The following NHERF4 variants were observed in gnomAD, a reference collection of about 807,000 sequenced individuals.
The protein encoded by NHERF4 is NHERF family PDZ scaffold protein 4.
the NHERF4 span, chr11:119,186,832 G>A: frequency 5.7e-6 from 5 of 884,106 alleles, no homozygotes; most frequent in South Asian, 1.9e-5. This position sits in a 1 kb window ranked among gnomAD's most constrained non-coding sequence, Gnocchi z 4.4. Context: ...AGAGGGGTAG[G>A]GAAAGCATCT....
the NHERF4 span, chr11:119,189,490 T>A: frequency 1.2e-6 from 2 of 1,614,132 alleles, no homozygotes; most frequent in South Asian, 2.2e-5. This position sits in a 1 kb window ranked among gnomAD's most constrained non-coding sequence, Gnocchi z 5.8. Flanking sequence ...GGATCTACTG[T>A]AGAGCACCCC....
chr11:119,187,154 A>G, the NHERF4 span: 9 of 869,084 alleles, frequency 1.0e-5, no homozygotes, highest in Middle Eastern at 3.4e-4. Flanking sequence ...AAAAAAAAAA[A>G]AAAAGAAAAA....
chr11:119,187,272 G>A, the NHERF4 span: 1 of 1,594,986 alleles, frequency 6.3e-7, no homozygotes, highest in African/African-American at 1.3e-5. Context: ...CTGTCCAGGT[G>A]GTACGCCGCA....
the NHERF4 span, chr11:119,188,598 G>C: frequency 6.2e-7 from 1 of 1,610,588 alleles, no homozygotes; most frequent in Non-Finnish European, 8.5e-7. Flanking sequence ...GAGTGGGGCA[G>C]GGCTGAGGTC....
the NHERF4 span, chr11:119,186,352 C>CAA: frequency 1.3e-6 from 2 of 1,554,826 alleles, no homozygotes; most frequent in South Asian, 2.2e-5. This position sits in a 1 kb window ranked among gnomAD's most constrained non-coding sequence, Gnocchi z 4.4. Context: ...CCCCACCACC[C>CAA]AACACCCAAC....
chr11:119,189,631 T>C, the NHERF4 span: 1 of 955,276 alleles, frequency 1.0e-6, no homozygotes, highest in Non-Finnish European at 1.7e-6. This position sits in a 1 kb window ranked among gnomAD's most constrained non-coding sequence, Gnocchi z 5.8. Context: ...GCCCAGGTGC[T>C]CCCTCCCTTC....
At chr11:119,187,506 C>A in the NHERF4 span, 4 of 1,612,922 alleles carry the variant, frequency 2.5e-6, no homozygotes, top group Non-Finnish European at 2.5e-6. Flanking sequence ...GGGATCTCAG[C>A]CCCTGTTCAG....
the NHERF4 span, chr11:119,186,231 C>T: frequency 1.5e-5 from 25 of 1,613,998 alleles, no homozygotes; most frequent in Admixed American, 1.7e-4. The surrounding 1 kb of genome is among the most constrained non-coding windows in gnomAD (Gnocchi z 4.4). Context: ...ACACGGCCTC[C>T]GATCTCCTTG....
the NHERF4 span, chr11:119,186,244 A>G: frequency 5.3e-5 from 86 of 1,613,764 alleles, no homozygotes; most frequent in Non-Finnish European, 7.1e-5. This position sits in a 1 kb window ranked among gnomAD's most constrained non-coding sequence, Gnocchi z 4.4. Context: ...TCTCCTTGGT[A>G]ACCACTCACT....
chr11:119,189,969 G>A, the NHERF4 span: 1 of 354,966 alleles, frequency 2.8e-6, no homozygotes, highest in South Asian at 4.9e-5. This position sits in a 1 kb window ranked among gnomAD's most constrained non-coding sequence, Gnocchi z 5.8. Context: ...CTGTGTTTGT[G>A]TTGGTGGGGG....
chr11:119,186,010 T>A, the NHERF4 span: 2 of 1,613,864 alleles, frequency 1.2e-6, no homozygotes, highest in Non-Finnish European at 1.7e-6. This position sits in a 1 kb window ranked among gnomAD's most constrained non-coding sequence, Gnocchi z 4.4. Context: ...GCGAAGCGCT[T>A]CACTGCCATT....
chr11:119,189,480 G>A, the NHERF4 span: 3,331 of 1,614,068 alleles, frequency 2.1e-3, 8 homozygotes, highest in Non-Finnish European at 2.4e-3. This position sits in a 1 kb window ranked among gnomAD's most constrained non-coding sequence, Gnocchi z 5.8. Context: ...CTCTGGCCTC[G>A]GATCTACTGT....
the NHERF4 span, chr11:119,185,940 C>T: frequency 4.3e-6 from 7 of 1,614,008 alleles, no homozygotes; most frequent in African/African-American, 6.7e-5. Context: ...CAGGACACAG[C>T]CTCGTTAACT....
chr11:119,187,228 G>C, the NHERF4 span: 1 of 1,465,332 alleles, frequency 6.8e-7, no homozygotes, highest in Non-Finnish European at 9.1e-7. Context: ...GGGTTGGCAA[G>C]AGGGTCTAGA....
the NHERF4 span, chr11:119,188,354 G>T: frequency 1.2e-6 from 2 of 1,613,936 alleles, no homozygotes; most frequent in Non-Finnish European, 8.5e-7. Flanking sequence ...CTATGCCCCA[G>T]GACAGTTCCT....
chr11:119,190,021 C>G, the NHERF4 span: 1 of 427,786 alleles, frequency 2.3e-6, no homozygotes, highest in Non-Finnish European at 4.1e-6. This position sits in a 1 kb window ranked among gnomAD's most constrained non-coding sequence, Gnocchi z 4.2. Flanking sequence ...GCCTCAGGCT[C>G]AAGGGGTGGG....
chr11:119,189,088 A>G, the NHERF4 span: 1 of 1,613,962 alleles, frequency 6.2e-7, no homozygotes, highest in Non-Finnish European at 8.5e-7. The surrounding 1 kb of genome is among the most constrained non-coding windows in gnomAD (Gnocchi z 5.8). Context: ...CTGTTGGGGG[A>G]CAGAATGACC....
At chr11:119,189,046 G>A in the NHERF4 span, 2 of 1,614,144 alleles carry the variant, frequency 1.2e-6, no homozygotes, top group Non-Finnish European at 1.7e-6. The surrounding 1 kb of genome is among the most constrained non-coding windows in gnomAD (Gnocchi z 5.8). Context: ...GGCTGCAAGT[G>A]GGAGACGTGA....
the NHERF4 span, chr11:119,186,456 C>T: frequency 6.2e-7 from 1 of 1,613,306 alleles, no homozygotes; most frequent in African/African-American, 1.3e-5. The surrounding 1 kb of genome is among the most constrained non-coding windows in gnomAD (Gnocchi z 4.4). Context: ...TCCCCCTTTT[C>T]TGCTGCCCAC....
Sources: allele counts gnomAD v4.1 joint callset, GRCh38; gene constraint gnomAD v4.1.1; non-coding constraint Gnocchi (gnomAD v3.1); transcripts MANE v1.5; gene names NCBI Gene and HGNC (gene_info 2026-07-23, HGNC 2026-07-21).